PDCD4: variants seen among roughly 807,000 people sequenced by gnomAD.
PDCD4 encodes the protein programmed cell death protein 4.
PDCD4 carries 56 observed loss-of-function variants against 54.0 expected under a neutral mutation model. The observed-to-expected ratio is 1.04, with a 90% CI of 0.84 to 1.30. The LOEUF is 1.30. Ranked by LOEUF, PDCD4 falls within the 50% of genes most tolerant of loss-of-function variation. PDCD4 has a pLI of 0.00. For missense variants in PDCD4, 584 were observed against 559.8 expected (o/e 1.04, Z -0.44); for synonymous variants, 186 against 194.8 (o/e 0.95, Z 0.37).
Position 110,876,053 on chromosome 10 carries a change from T to G in PDCD4, c.26T>G (p.Leu9Arg), listed in dbSNP as rs567621997. Residue 9 changes from leucine (L) to arginine (R), a missense_variant, in exon 2 of 12, where the codon CTG becomes CGG. Transcript: ENST00000280154. Reference sequence around the variant, plus strand: ...ATGGATGTAGAAAATGAGCAGATACTGAATGTAAACCCTGCAGGTAAGTAA... The same window carrying G: ...ATGGATGTAGAAAATGAGCAGATACGGAATGTAAACCCTGCAGGTAAGTAA... MDVENEQI[L>R]NVNPADPDNL... 1.1e-4 allele frequency: 183 copies of G among 1,610,854 alleles called. 1 individual carries two copies. In the Admixed American group the frequency reaches 2.9e-3, roughly 26 times the overall value.
chr10:110,890,459 G>A, intron 7 of PDCD4, 97 bp from the exon 8 acceptor site: 1 of 520,416 alleles, frequency 1.9e-6, no homozygotes, highest in Non-Finnish European at 3.4e-6. Context: ...TTATGTGAAA[G>A]ATTTAGGGCA....
chr10:110,883,095 C>G lies in PDCD4; in HGVS notation c.439C>G (p.Gln147Glu). 1.9e-6 allele frequency: 3 copies of G among 1,561,640 alleles called. No individual in the cohort carries two copies. The African/African-American group carries it at 4.2e-5, about 22-fold the overall frequency. Reference protein sequence around the residue: ...DVKDPNYDDDQENCVYETVVL... With the variant: ...DVKDPNYDDDEENCVYETVVL... ...GAAAGATCCTAACTATGATGATGAC[C>G]AGGTATCAGTGCTTTGCTTTTTCAT... Residue 147 changes from glutamine (Q) to glutamate (E), a missense_variant and splice_region_variant, in exon 4 of 12, where the codon CAG (glutamine) becomes GAG (glutamate). Coordinates refer to ENST00000280154, the MANE Select transcript of PDCD4 (RefSeq NM_014456.5).
rs1378338629 is a variant in PDCD4 at position 110,897,959 on chromosome 10, A to AT, written c.1350-62dup. On this transcript the variant is annotated intron_variant, in intron 11 of 11. Transcript: ENST00000280154. ...GTAACGAAAAAATACCAAGTTTTTA[A>AT]TTTTTTTATATATTGACTATAGTCA... 2.9e-5 allele frequency: 33 copies of AT among 1,139,058 alleles called. No individual in the cohort carries two copies. The African/African-American group carries it at 3.0e-4, about 10-fold the overall frequency. The allele number at this position is 1,139,058 out of a possible 1,614,324, so 70.6% of individuals were successfully genotyped here.
intron 2 of PDCD4, chr10:110,880,580 C>G (rs1476259638): frequency 6.6e-6 from 1 of 152,236 alleles, no homozygotes; most frequent in Non-Finnish European, 1.5e-5. Context: ...AGTAAAGCAT[C>G]AGCAGTTCAG....
chr10:110,884,906 G>C (rs1013368823), intron 4 of PDCD4: 8 of 160,940 alleles, frequency 5.0e-5, no homozygotes, highest in African/African-American at 1.9e-4. Flanking sequence ...AGATCCTTCT[G>C]CCTCAGCTTC....
At chr10:110,872,141 C>T (rs1845418664) in intron 1 of PDCD4, 123 bp downstream of exon 1, 1 of 152,314 alleles carries the variant, frequency 6.6e-6, no homozygotes, top group African/African-American at 2.4e-5. Context: ...GCGGTCCTGT[C>T]AGGTCCGGGC....
intron 11 of PDCD4, among the ~76,000 whole-genome samples, chr10:110,897,739 T>A (rs1845864464): frequency 6.6e-6 from 1 of 152,140 alleles, no homozygotes; most frequent in South Asian, 2.1e-4. Flanking sequence ...GAAATAATTT[T>A]AAATTTCTAA....
At chr10:110,890,041 TAGTC>T (rs1258562202) in intron 7 of PDCD4, among the ~76,000 whole-genome samples, 2 of 152,222 alleles carry the variant, frequency 1.3e-5, no homozygotes, top group South Asian at 2.1e-4. Flanking sequence ...GTAGAAATCT[TAGTC>T]AGAAAGTATC....
intron 6 of PDCD4, among the ~76,000 whole-genome samples, chr10:110,888,768 G>T (rs1351331049): frequency 6.6e-6 from 1 of 152,060 alleles, no homozygotes; most frequent in African/African-American, 2.4e-5. Flanking sequence ...CATTTTATGT[G>T]TATACCATTT....
intron 7 of PDCD4, among the ~76,000 whole-genome samples, chr10:110,890,043 G>A (rs1301910093): frequency 6.6e-6 from 1 of 152,168 alleles, no homozygotes; most frequent in African/African-American, 2.4e-5. Context: ...AGAAATCTTA[G>A]TCAGAAAGTA....
chr10:110,881,151 C>A, intron 2 of PDCD4, 82 bp from the exon 3 acceptor site: 1 of 1,012,012 alleles, frequency 9.9e-7, no homozygotes, highest in Non-Finnish European at 1.5e-6. Context: ...TGTGATTCAA[C>A]CTAATCTAAC....
chr10:110,881,379 A>G lies in PDCD4; in HGVS notation c.190A>G (p.Arg64Gly). ...TAATGCCAAGGCAAAAAGGCGACTA[A>G]GGAAAAACTCATCCCGGGACTCTGG... ...RINAKAKRRL[R>G]KNSSRDSGRG... The change falls in exon 3 of 12, where the codon AGG becomes GGG. Residue 64 changes from arginine to glycine, a missense_variant. Coordinates refer to ENST00000280154, the MANE Select transcript of PDCD4 (RefSeq NM_014456.5). 6.2e-7 allele frequency: 1 copy of G among 1,614,226 alleles called. No homozygotes were observed. Among genetic ancestry groups the G allele is most frequent in the Non-Finnish European group, 8.5e-7 (1 of 1,180,038 alleles).
At chr10:110,888,462 A>G (rs1450327485) in intron 6 of PDCD4, among the ~76,000 whole-genome samples, 2 of 152,118 alleles carry the variant, frequency 1.3e-5, no homozygotes, top group African/African-American at 2.4e-5. Context: ...TAATGCAGAC[A>G]TTTTTTCCTT....
intron 4 of PDCD4, among the ~76,000 whole-genome samples, chr10:110,884,228 C>T (rs577612217): frequency 1.3e-5 from 2 of 152,300 alleles, no homozygotes; most frequent in Admixed American, 6.5e-5. Flanking sequence ...GTATACACTA[C>T]TCGTGCATTC....
At chr10:110,872,848 A>G (rs978327394) in intron 1 of PDCD4, among the ~76,000 whole-genome samples, 10 of 152,234 alleles carry the variant, frequency 6.6e-5, no homozygotes, top group Non-Finnish European at 1.3e-4. Flanking sequence ...TGTAACGTAC[A>G]TGGGGTTTTG....
At position 110,898,098 on chromosome 10, in the gene PDCD4, CTCT is replaced by C; in HGVS notation, c.*12_*14del. 6.6e-7 allele frequency: 1 copy of C among 1,506,700 alleles called. No individual in the cohort carries two copies. Among genetic ancestry groups the C allele is most frequent in the Non-Finnish European group, 9.0e-7 (1 of 1,106,056 alleles). The allele number at this position is 1,506,700 out of a possible 1,614,324, so 93.3% of individuals were successfully genotyped here. The stretch of plus-strand genomic sequence containing the variant: ...ACCAGAGAGCTACTGAATATAAGAA[CTCT>C]TGCAGTCTTAGATGTTATAAAAATA... On this transcript the variant is annotated 3_prime_UTR_variant, in exon 12 of 12. Coordinates refer to ENST00000280154, the MANE Select transcript of PDCD4 (RefSeq NM_014456.5).
intron 7 of PDCD4, 23 bp from the exon 8 acceptor site, chr10:110,890,531 CTT>C: frequency 6.8e-7 from 1 of 1,462,478 alleles, no homozygotes; most frequent in Admixed American, 1.8e-5. Context: ...AGCTATCAAA[CTT>C]AAATTTTTTT....
rs1344343462 is a variant in PDCD4 at position 110,881,227 on chromosome 10, TTTAAGATCCTGA to T, written c.44-4_51del. The T allele has an allele frequency of 1.9e-6, 3 of 1,602,118 alleles. No individual in the cohort carries two copies. In the East Asian group the frequency reaches 6.7e-5, roughly 36 times the overall value. ...TAGAATTTTTTTCTTCATTTTTCTCTTTAAGATCCTGATAACTTAAGTGACTCTCTCTTTTCC... is the reference window on the plus strand; with the variant it reads ...TAGAATTTTTTTCTTCATTTTTCTCTTAACTTAAGTGACTCTCTCTTTTCC... On this transcript the variant is annotated splice_acceptor_variant and splice_polypyrimidine_tract_variant and coding_sequence_variant and intron_variant, in exon 3 of 12. Coordinates refer to ENST00000280154, the MANE Select transcript of PDCD4 (RefSeq NM_014456.5). LOFTEE classifies it high-confidence loss of function.
intron 1 of PDCD4, among the ~76,000 whole-genome samples, chr10:110,875,475 A>G (rs190227762): frequency 3.4e-4 from 52 of 152,328 alleles, no homozygotes; most frequent in African/African-American, 1.2e-3. Context: ...CCTTTCAGAT[A>G]TGCCGTAATG....
Sources: gnomAD v4.1 joint callset for allele counts (sites outside exome capture counted in the v4.1 genomes callset) on GRCh38, gnomAD v4.1.1 for gene constraint, MANE v1.5 for transcripts, NCBI Gene and HGNC (gene_info 2026-07-23, HGNC 2026-07-21) for gene names.